The following WIZ variants were observed in gnomAD, a reference collection of about 807,000 sequenced individuals.
The protein encoded by WIZ is WIZ zinc finger.
WIZ carries 25 observed loss-of-function variants against 140.2 expected under a neutral mutation model. The observed-to-expected ratio is 0.18, with a 90% CI of 0.13 to 0.25. The LOEUF (loss-of-function observed/expected upper bound fraction) is 0.25, where lower values mean the gene tolerates loss of function less well. Ranked by LOEUF, WIZ falls within the 10% of genes least tolerant of loss-of-function variation. WIZ has a pLI of 1.00. For missense variants in WIZ, 2,231 were observed against 2,632.6 expected, an observed-to-expected ratio of 0.85 and a Z score of 3.34; for synonymous variants, 1,125 against 1,154.3, an observed-to-expected ratio of 0.97 and a Z score of 0.51.
At position 15,425,846 on chromosome 19, in the gene WIZ, GGAGGGAGGAGGGAGGA is replaced by G. The variant is rs1568290474; in HGVS notation, c.4367-94_4367-79del. On this transcript the variant is annotated intron_variant, in intron 9 of 12. Transcript: ENST00000673675. ...GAGGAGGGAGGAGGAGGGAGGAGGA[GGAGGGAGGAGGGAGGA>G]GGAGGAGGAGGAGGAGGAGGAGGAG... The G allele has an allele frequency of 2.7e-3, 76 of 28,516 alleles. 8 individuals carry two copies. Among genetic ancestry groups the G allele is most frequent in the East Asian group, 0.026 (10 of 390 alleles). 1.8% of individuals were successfully genotyped at this position (28,516 alleles called of 1,614,324 possible).
In WIZ at chr19:15,438,764, G is replaced by A; in HGVS notation, c.2230C>T (p.Leu744=). 5 of 1,535,436 alleles carry A rather than the reference G, an allele frequency of 3.3e-6. No individual in the cohort carries two copies. Among genetic ancestry groups the A allele is most frequent in the Non-Finnish European group, 4.4e-6 (5 of 1,146,346 alleles). The part of the protein sequence containing the change: ...TLLDGDPAMA[L]KHEERKCPYC... ...GGGCATTTCCGCTCCTCGTGCTTCA[G>A]TGCCATGGCCGGATCCCCATCCAGG... Residue 744 remains leucine, a synonymous_variant, in exon 4 of 13, where the codon CTG becomes TTG. Coordinates refer to ENST00000673675, the MANE Select transcript of WIZ (RefSeq NM_001371589.1).
intron 10 of WIZ, 25 bp from the exon 11 acceptor site, chr19:15,425,057 G>A (rs2145209526): frequency 3.2e-6 from 5 of 1,539,930 alleles, no homozygotes; most frequent in Middle Eastern, 2.2e-4. Flanking sequence ...GGGTGCTGCT[G>A]AGTCACAGCC....
In WIZ at chr19:15,424,132, TG is replaced by T; in HGVS notation, c.5510+50del. 1 of 1,426,142 alleles carries T rather than the reference TG, an allele frequency of 7.0e-7. No individual in the cohort carries two copies. Among genetic ancestry groups the T allele is most frequent in the Non-Finnish European group, 9.2e-7 (1 of 1,084,490 alleles). 88.3% of individuals were successfully genotyped at this position (1,426,142 alleles called of 1,614,324 possible). ...CCCTATCCTGTTCCAAGGCTCCGGGTGACCAAGGTCCACTCAGGTGGTCTCC... is the reference window on the plus strand; with the variant it reads ...CCCTATCCTGTTCCAAGGCTCCGGGTACCAAGGTCCACTCAGGTGGTCTCC... On this transcript the variant is annotated intron_variant, in intron 12 of 12. Transcript: ENST00000673675. The surrounding 1 kb of genome is among the most constrained non-coding windows in gnomAD (Gnocchi z 9.7).
At chr19:15,444,224 G>A (rs915465157) in intron 2 of WIZ, among the ~76,000 whole-genome samples, 2 of 152,182 alleles carry the variant, frequency 1.3e-5, no homozygotes, top group Non-Finnish European at 2.9e-5. Flanking sequence ...AGAGCTGACT[G>A]CTGAGAGTCA....
At chr19:15,434,477 G>C (rs1969442093) in intron 5 of WIZ, among the ~76,000 whole-genome samples, 1 of 147,254 alleles carries the variant, frequency 6.8e-6, no homozygotes, top group African/African-American at 2.5e-5. Context: ...GCAGAAGAAT[G>C]GTGTGAACCC....
chr19:15,424,392 G>A lies in WIZ; in HGVS notation c.5315-14C>T, dbSNP rs751198440. The A allele has an allele frequency of 1.9e-6, 3 of 1,598,430 alleles. No individual in the cohort carries two copies. The highest frequency in any genetic ancestry group is 1.4e-5 in the African/African-American group (1 of 73,534). ...GGCGTTCAAATTCTAAGGTGGAGAGGGGGACGGGAGATGAGTGGGAGGGGT... is the reference window on the plus strand; with the variant it reads ...GGCGTTCAAATTCTAAGGTGGAGAGAGGGACGGGAGATGAGTGGGAGGGGT... On this transcript the variant is annotated splice_polypyrimidine_tract_variant and intron_variant, in intron 11 of 12. Coordinates refer to ENST00000673675, the MANE Select transcript of WIZ (RefSeq NM_001371589.1). The surrounding 1 kb of genome is among the most constrained non-coding windows in gnomAD (Gnocchi z 9.7).
At chr19:15,426,260 C>A (rs941126030) in intron 9 of WIZ, among the ~76,000 whole-genome samples, 1 of 152,080 alleles carries the variant, frequency 6.6e-6, no homozygotes, top group Non-Finnish European at 1.5e-5. Flanking sequence ...AGCTGGTACA[C>A]AACACACGTG....
At position 15,440,580 on chromosome 19, in the gene WIZ, T is replaced by A; in HGVS notation, c.414A>T (p.Leu138=). 6.5e-7 allele frequency: 1 copy of A among 1,536,120 alleles called. No individual in the cohort carries two copies. The highest frequency in any genetic ancestry group is 8.7e-7 in the Non-Finnish European group (1 of 1,146,866). Reference sequence around the variant, plus strand: ...CTGAGTCCTCGAATCTCCGCTCAGATAGGATGCCCTCCCCAGCCTCCTGGA... The same window carrying A: ...CTGAGTCCTCGAATCTCCGCTCAGAAAGGATGCCCTCCCCAGCCTCCTGGA... ...PLVQEAGEGI[L]SERRFEDSVI... is the part of the protein sequence containing the mutation. Residue 138 remains leucine (L), a synonymous_variant, in exon 4 of 13, where the codon CTA becomes CTT. Transcript: ENST00000673675. This position sits in a 1 kb window ranked among gnomAD's most constrained non-coding sequence, Gnocchi z 6.2.
Position 15,428,164 on chromosome 19 carries a change from C to G in WIZ, c.3760G>C (p.Ala1254Pro). The G allele has an allele frequency of 2.6e-6, 4 of 1,534,470 alleles. No individual in the cohort carries two copies. Among genetic ancestry groups the G allele is most frequent in the Non-Finnish European group, 3.5e-6 (4 of 1,146,752 alleles). Residue 1254 changes from alanine (A) to proline (P), a missense_variant, in exon 8 of 13, where the codon GCA (alanine) becomes CCA (proline). Around this residue, in one of 15 missense-constraint regions of WIZ, gnomAD observed 141 missense variants for 161.2 expected, o/e 0.87. Coordinates refer to ENST00000673675, the MANE Select transcript of WIZ (RefSeq NM_001371589.1). The surrounding 1 kb of genome is among the most constrained non-coding windows in gnomAD (Gnocchi z 6.4). ...PWGKQDLSAA[A>P]AAGIFWASDV... ...GAGGCCCAGAAAATGCCGGCGGCTG[C>G]GGCGGCCGAGAGGTCCTGCTTCCCC...
intron 5 of WIZ, among the ~76,000 whole-genome samples, chr19:15,435,468 C>T (rs988894111): frequency 1.3e-5 from 2 of 152,042 alleles, no homozygotes; most frequent in African/African-American, 4.8e-5. Context: ...ATTAAAAAAC[C>T]TTAGTACATA....
At position 15,428,808 on chromosome 19, in the gene WIZ, G is replaced by A. The variant is rs1427298472; in HGVS notation, c.3416-300C>T. On this transcript the variant is annotated intron_variant, in intron 7 of 12. Coordinates refer to ENST00000673675, the MANE Select transcript of WIZ (RefSeq NM_001371589.1). The surrounding 1 kb of genome is among the most constrained non-coding windows in gnomAD (Gnocchi z 6.4). ...GGATCCCTGCTATGGGAGCTATTTG[G>A]GGGCGATGGTGGCTGCTGGGCTCAC... 6.6e-6 allele frequency among the ~76,000 whole-genome samples: 1 copy of A among 152,144 alleles called. No individual in the cohort carries two copies. The highest frequency in any genetic ancestry group is 2.4e-5 in the African/African-American group (1 of 41,430).
Position 15,421,638 on chromosome 19 carries a change from T to G in WIZ, c.*1438A>C, listed in dbSNP as rs909878961. 1.3e-5 allele frequency: 2 copies of G among 152,236 alleles called. No homozygotes were observed. The highest frequency in any genetic ancestry group is 2.9e-5 in the Non-Finnish European group (2 of 68,036). The allele number at this position is 152,236 out of a possible 1,614,324, so 9.4% of individuals were successfully genotyped here. ...GCTCCTCTTTTCCCCGCATGTTCCT[T>G]GGGTCAGGGGTGCATGTGTCTCACT... On this transcript the variant is annotated 3_prime_UTR_variant, in exon 13 of 13. Coordinates refer to ENST00000673675, the MANE Select transcript of WIZ (RefSeq NM_001371589.1).
rs1968710903 is a variant in WIZ, at chr19:15,425,673, G to A, written c.4462C>T (p.Leu1488=). Residue 1488 remains leucine, a synonymous_variant, in exon 10 of 13, where the codon CTG becomes TTG. Coordinates refer to ENST00000673675, the MANE Select transcript of WIZ (RefSeq NM_001371589.1). ...KGLSSHARSH[L]RQMGVTEWSV... Reference sequence around the variant, plus strand: ...CACTCGGTCACACCCATCTGCCGCAGGTGTGAGCGCGCGTGACTCGACAGG... The same window carrying A: ...CACTCGGTCACACCCATCTGCCGCAAGTGTGAGCGCGCGTGACTCGACAGG... 1 of 1,613,538 alleles carries A rather than the reference G, an allele frequency of 6.2e-7. No homozygotes were observed. Among genetic ancestry groups the A allele is most frequent in the Non-Finnish European group, 8.5e-7 (1 of 1,179,954 alleles).
intron 6 of WIZ, among the ~76,000 whole-genome samples, 190 bp downstream of exon 6, chr19:15,430,822 G>A (rs936240804): frequency 2.6e-5 from 4 of 152,344 alleles, no homozygotes; most frequent in Admixed American, 2.0e-4. Context: ...TGCAGCTCAG[G>A]GCCACGCATG....
At chr19:15,445,109 C>A (rs943996227) in intron 2 of WIZ, among the ~76,000 whole-genome samples, 1 of 152,226 alleles carries the variant, frequency 6.6e-6, no homozygotes. Context: ...TCAGATGAGG[C>A]GCTAGGTCGC....
chr19:15,436,844 G>T lies in WIZ; in HGVS notation c.2702C>A (p.Pro901His), dbSNP rs1034411502. The change falls in exon 5 of 13, where the codon CCC (proline) becomes CAC (histidine). Residue 901 changes from proline to histidine, a missense_variant. Physicochemically the swap from Pro to His is moderately conservative, Grantham distance 77. Around this residue, in one of 15 missense-constraint regions of WIZ, gnomAD observed 137 missense variants for 135.8 expected, o/e 1.01. Coordinates refer to ENST00000673675, the MANE Select transcript of WIZ (RefSeq NM_001371589.1). The part of the protein sequence containing the change: ...PRLPLTVPFP[P>H]TWAEDPGPAY... The stretch of plus-strand genomic sequence containing the variant: ...TGGCCCAGGGTCCTCAGCCCAGGTG[G>T]GTGGAAAGGGCACCGTGAGAGGTAA... 6.2e-7 allele frequency: 1 copy of T among 1,610,700 alleles called. No individual in the cohort carries two copies. Among genetic ancestry groups the T allele is most frequent in the Non-Finnish European group, 8.5e-7 (1 of 1,178,930 alleles).
In WIZ at chr19:15,442,564, C is replaced by T. The variant is rs554959224; in HGVS notation, c.278+112G>A. ...GGAGCTGACTCCTCCTCCTGCCTGGCCTCCTGATTCCCTCCTGTCCCCTTC... is the reference window on the plus strand; with the variant it reads ...GGAGCTGACTCCTCCTCCTGCCTGGTCTCCTGATTCCCTCCTGTCCCCTTC... On this transcript the variant is annotated intron_variant, in intron 3 of 12. Coordinates refer to ENST00000673675, the MANE Select transcript of WIZ (RefSeq NM_001371589.1). This position sits in a 1 kb window ranked among gnomAD's most constrained non-coding sequence, Gnocchi z 5.5. 6.0e-5 allele frequency: 51 copies of T among 847,044 alleles called. No individual in the cohort carries two copies. Among genetic ancestry groups the T allele is most frequent in the Non-Finnish European group, 7.9e-5 (50 of 636,378 alleles). 52.5% of individuals were successfully genotyped at this position (847,044 alleles called of 1,614,324 possible). A position where few individuals can be genotyped will look rare whatever the true frequency, so the allele number is the denominator to read the frequency against.
rs927604183 is a variant in WIZ, at chr19:15,439,953, C to T, written c.1041G>A (p.Ala347=). 3.3e-5 allele frequency: 51 copies of T among 1,535,238 alleles called. No homozygotes were observed. The highest frequency in any genetic ancestry group is 1.8e-4 in the Admixed American group (9 of 50,910). ...CCCCGCAGGCCAGCGGGGCCAGGTC[C>T]GCAGGGGGCTCCTGGCCCGGGGCTC... The part of the protein sequence containing the change: ...HRRAPGQEPP[A]DLAPLACGEC... Residue 347 remains alanine, a synonymous_variant, in exon 4 of 13, where the codon GCG becomes GCA. Coordinates refer to ENST00000673675, the MANE Select transcript of WIZ (RefSeq NM_001371589.1). This position sits in a 1 kb window ranked among gnomAD's most constrained non-coding sequence, Gnocchi z 7.0.
intron 7 of WIZ, among the ~76,000 whole-genome samples, chr19:15,429,073 C>T (rs1433718959): frequency 2.0e-5 from 3 of 152,168 alleles, no homozygotes; most frequent in African/African-American, 4.8e-5. Flanking sequence ...CCCTGCCTGC[C>T]GTGCCCACAG....
Sources: gnomAD v4.1 joint callset for allele counts (sites outside exome capture counted in the v4.1 genomes callset) on GRCh38, gnomAD v4.1.1 for gene constraint, gnomAD v4.1.1 regional missense constraint, Gnocchi (gnomAD v3.1) non-coding constraint, MANE v1.5 for transcripts, NCBI Gene and HGNC (gene_info 2026-07-23, HGNC 2026-07-21) for gene names.